CR1: variants seen among roughly 807,000 people sequenced by gnomAD.
CR1 encodes complement receptor type 1.
CR1 carries 116 observed loss-of-function variants against 187.3 expected under a neutral mutation model. The ratio of observed to expected loss-of-function variants is 0.62; its 90% CI spans 0.53 to 0.72. The LOEUF is 0.72. Ranked by LOEUF, CR1 falls within the 30% of genes least tolerant of loss-of-function variation. The probability of loss-of-function intolerance (pLI) is 0.00; values close to 1 mark genes in which losing one functional copy is unlikely to be tolerated. For synonymous variants in CR1, 576 were observed against 747.1 expected, an observed-to-expected ratio of 0.77 and a Z score of 3.73; for missense variants, 1,731 against 2,110.7, an observed-to-expected ratio of 0.82 and a Z score of 3.52.
rs781649483 is a variant in CR1, at chr1:207,607,269, C to T, written c.5829C>T (p.Ser1943=). 6.2e-7 allele frequency: 1 copy of T among 1,613,394 alleles called. No homozygotes were observed. The highest frequency in any genetic ancestry group is 1.1e-5 in the South Asian group (1 of 91,058). Residue 1943 remains serine (S), a synonymous_variant, in exon 36 of 47, where the codon TCC becomes TCT. Coordinates refer to ENST00000367049, the MANE Select transcript of CR1 (RefSeq NM_000651.6). ...GCTTTAGGTTTCGACTCATTGGTTC[C>T]CCATCTACTACTTGTCTCGTCTCAG... ...SCNEGFRLIG[S]PSTTCLVSGN... is the part of the protein sequence containing the mutation.
rs1377416094 is a variant in CR1 at position 207,556,679 on chromosome 1, A to ATATC, written c.3102-1858_3102-1857insATCT. Reference sequence around the variant, plus strand: ...TATATATATATATATATATATATATATCACAATGAATATTGCAGAAAATTA... The same window carrying ATATC: ...TATATATATATATATATATATATATATATCTCACAATGAATATTGCAGAAAATTA... On this transcript the variant is annotated intron_variant, in intron 19 of 46. Transcript: ENST00000367049. Among the ~76,000 whole-genome samples the ATATC allele has an allele frequency of 9.5e-5, 6 of 63,198 alleles. 1 individual carries two copies. Among genetic ancestry groups the ATATC allele is most frequent in the Non-Finnish European group, 1.4e-4 (4 of 29,070 alleles). The allele number at this position is 63,198 out of a possible 152,430, so 41.5% of individuals were successfully genotyped here.
chr1:207,637,175 C>T (rs1257259201), intron 46 of CR1, among the ~76,000 whole-genome samples: 1 of 152,096 alleles, frequency 6.6e-6, no homozygotes, highest in Non-Finnish European at 1.5e-5. Context: ...TCCTTTTTCT[C>T]CCTATTCCCA....
chr1:207,632,293 T>A (rs1039667337), intron 46 of CR1, among the ~76,000 whole-genome samples: 1 of 152,232 alleles, frequency 6.6e-6, no homozygotes, highest in South Asian at 2.1e-4. Context: ...AATGGGCATA[T>A]GTATACACTG....
chr1:207,629,002 T>C (rs1662568155), intron 45 of CR1, among the ~76,000 whole-genome samples: 1 of 152,180 alleles, frequency 6.6e-6, no homozygotes, highest in Non-Finnish European at 1.5e-5. Flanking sequence ...ATTTCACTAG[T>C]TAAAAATATG....
intron 4 of CR1, among the ~76,000 whole-genome samples, chr1:207,513,510 G>T (rs2102291321): frequency 6.6e-6 from 1 of 152,236 alleles, no homozygotes; most frequent in South Asian, 2.1e-4. Context: ...TCTATCCAAG[G>T]ATACAACTTT....
intron 5 of CR1, among the ~76,000 whole-genome samples, chr1:207,526,376 A>G (rs1196157728): frequency 2.6e-5 from 4 of 151,532 alleles, no homozygotes; most frequent in Non-Finnish European, 5.9e-5. Context: ...GCAAGACTAA[A>G]TTGGTGATGC....
At chr1:207,521,624 CTTTTTT>C (rs139203101) in intron 4 of CR1, among the ~76,000 whole-genome samples, 1 of 88,304 alleles carries the variant, frequency 1.1e-5, no homozygotes, top group Non-Finnish European at 2.1e-5. Flanking sequence ...TGCCCTCTTC[CTTTTTT>C]TTTTTTTTTT....
chr1:207,568,088 A>T, intron 25 of CR1, 46 bp downstream of exon 25: 1 of 1,610,558 alleles, frequency 6.2e-7, no homozygotes. Flanking sequence ...AGAATATCTA[A>T]CCCAGCCCCT....
chr1:207,565,965 C>A (rs1191756469), intron 24 of CR1, 42 bp downstream of exon 24: 1 of 1,607,706 alleles, frequency 6.2e-7, no homozygotes, highest in Non-Finnish European at 8.5e-7. Context: ...CTCTCCCCTT[C>A]ATCTGTTCAC....
intron 37 of CR1, 112 bp downstream of exon 37, chr1:207,609,800 T>C: frequency 9.0e-7 from 1 of 1,110,248 alleles, no homozygotes; most frequent in Non-Finnish European, 1.2e-6. Flanking sequence ...ATAAACATAA[T>C]AGTAGCTTCA....
At chr1:207,572,297 A>G (rs1660603267) in intron 27 of CR1, among the ~76,000 whole-genome samples, 1 of 149,018 alleles carries the variant, frequency 6.7e-6, no homozygotes, top group Admixed American at 6.7e-5. Context: ...TTGTGAAAGG[A>G]AGAGTCCATC....
chr1:207,617,610 TATAGAGAGAGAGAGAGAG>T (rs1175229673), intron 41 of CR1, among the ~76,000 whole-genome samples: 64 of 9,320 alleles, frequency 6.9e-3, no homozygotes, highest in African/African-American at 0.02. Flanking sequence ...TATATATATA[TATAGAGAGAGAGAGAGAG>T]AGAGAGAGAG....
At chr1:207,630,200 G>A (rs1232156829) in intron 45 of CR1, among the ~76,000 whole-genome samples, 1 of 152,122 alleles carries the variant, frequency 6.6e-6, no homozygotes, top group Non-Finnish European at 1.5e-5. Context: ...TCAAAATCTC[G>A]ATGTAAATCC....
intron 41 of CR1, among the ~76,000 whole-genome samples, chr1:207,617,606 T>G (rs1167226501): frequency 5.5e-5 from 1 of 18,116 alleles, no homozygotes; most frequent in Non-Finnish European, 1.0e-4. Context: ...TATATATATA[T>G]ATATATAGAG....
At position 207,506,785 on chromosome 1, in the gene CR1, T is replaced by A. The variant is rs1284775847; in HGVS notation, c.373T>A (p.Ser125Thr). The change falls in exon 3 of 47, where the codon TCC becomes ACC. Residue 125 changes from serine (S) to threonine (T), a missense_variant. Ser to Thr is a moderately conservative substitution (Grantham distance 58, BLOSUM62 1). Around this residue, in one of 5 missense-constraint regions of CR1, gnomAD observed 237 missense variants for 240.4 expected, o/e 0.99. Transcript: ENST00000367049. ...TGTGATCAAAGGCATCCAGTTCGGA[T>A]CCCAAATTAAATATTCTTGTACTAA... The part of the protein sequence containing the change: ...VHVIKGIQFG[S>T]QIKYSCTKGY... 3 of 1,613,576 alleles carry A rather than the reference T, an allele frequency of 1.9e-6. No individual in the cohort carries two copies. Among genetic ancestry groups the A allele is most frequent in the Admixed American group, 3.3e-5 (2 of 59,986 alleles).
intron 2 of CR1, among the ~76,000 whole-genome samples, 172 bp downstream of exon 2, chr1:207,506,255 G>T (rs543246059): frequency 1.3e-5 from 2 of 152,160 alleles, no homozygotes; most frequent in African/African-American, 2.4e-5. Context: ...AGTTCCTGGC[G>T]CCTTCATTAA....
rs772716917 is a variant in CR1, at chr1:207,581,958, G to T, written c.5257G>T (p.Val1753Phe). ...CAGTTCCGTTAGTCATTGTGTCTTG[G>T]TTGGAATGAGAAGCCTTTGGAATAA... is the stretch of plus-strand genomic sequence containing the variant. ...KGSSVSHCVL[V>F]GMRSLWNNSV... Residue 1753 changes from valine to phenylalanine, a missense_variant, in exon 32 of 47, where the codon GTT becomes TTT. By Grantham distance (50) the Val-to-Phe change is conservative. This residue lies in a region of CR1 where 1,312 missense variants were observed against 1,379.6 expected (regional missense o/e 0.95). Coordinates refer to ENST00000367049, the MANE Select transcript of CR1 (RefSeq NM_000651.6). The T allele has an allele frequency of 6.2e-7, 1 of 1,613,300 alleles. No individual in the cohort carries two copies.
At chr1:207,584,536 A>G in intron 32 of CR1, 113 bp from the exon 33 acceptor site, 1 of 1,307,596 alleles carries the variant, frequency 7.6e-7, no homozygotes, top group South Asian at 1.5e-5. Flanking sequence ...ACTTTCCTTA[A>G]GAAGAAAAGT....
At position 207,525,112 on chromosome 1, in the gene CR1, C is replaced by T. The variant is rs12729467; in HGVS notation, c.886+1103C>T. ...TACACACTTTGGAACAAGCAGATCT[C>T]GAGAGAACTCTATCACAAGACAGCA... On this transcript the variant is annotated intron_variant, in intron 5 of 46. Transcript: ENST00000367049. 1.1e-4 allele frequency among the ~76,000 whole-genome samples: 16 copies of T among 151,970 alleles called. 1 individual carries two copies. The highest frequency in any genetic ancestry group is 9.7e-4 in the East Asian group (5 of 5,158).
Sources: gnomAD v4.1 joint callset for allele counts (sites outside exome capture counted in the v4.1 genomes callset) on GRCh38, gnomAD v4.1.1 for gene constraint, gnomAD v4.1.1 regional missense constraint, MANE v1.5 for transcripts, NCBI Gene and HGNC (gene_info 2026-07-23, HGNC 2026-07-21) for gene names.